The following BABAM2 variants were observed in gnomAD, a reference collection of about 807,000 sequenced individuals.
BABAM2 encodes the protein BRISC and BRCA1 A complex member 2, also known as BRISC and BRCA1-A complex member 2.
Under a neutral mutation model 54.7 loss-of-function variants are expected in BABAM2, and 31 were observed. That is an observed-to-expected ratio of 0.57 (90% CI 0.43 to 0.77). BABAM2 has a LOEUF of 0.77. Ranked by LOEUF, BABAM2 falls within the 30% of genes least tolerant of loss-of-function variation. The probability of loss-of-function intolerance (pLI) is 0.00; values close to 1 mark genes in which losing one functional copy is unlikely to be tolerated. For synonymous variants in BABAM2, 167 were observed against 162.9 expected (o/e 1.03, Z -0.19); for missense variants, 364 against 455.8 (o/e 0.80, Z 1.83).
chr2:27,960,219 G>A (rs1670369595), intron 3 of BABAM2, among the ~76,000 whole-genome samples: 1 of 152,028 alleles, frequency 6.6e-6, no homozygotes, highest in East Asian at 1.9e-4. Flanking sequence ...TTTTTTTCAT[G>A]AATTCCACAG....
rs1664157189 is a variant in BABAM2 at position 28,071,721 on chromosome 2, C to T, written c.570+25922C>T. 2.0e-5 allele frequency among the ~76,000 whole-genome samples: 3 copies of T among 152,296 alleles called. No homozygotes were observed. In the South Asian group the frequency reaches 6.2e-4, roughly 32 times the overall value. On this transcript the variant is annotated intron_variant, in intron 6 of 11. Coordinates refer to ENST00000379624, the MANE Select transcript of BABAM2 (RefSeq NM_199191.3). ...AGGAAAGGCAGGATAAATGCTTCTTCTATTTATTCCGTTTTCAAGATAATG... is the reference window on the plus strand; with the variant it reads ...AGGAAAGGCAGGATAAATGCTTCTTTTATTTATTCCGTTTTCAAGATAATG...
intron 10 of BABAM2, among the ~76,000 whole-genome samples, chr2:28,268,692 G>C (rs897292993): frequency 6.6e-6 from 1 of 152,126 alleles, no homozygotes; most frequent in Non-Finnish European, 1.5e-5. Flanking sequence ...CACTGGGGTG[G>C]CTCTACCCAA....
Position 28,026,888 on chromosome 2 carries a change from A to C in BABAM2, c.495+1468A>C, listed in dbSNP as rs1157860600. 1.1e-3 allele frequency among the ~76,000 whole-genome samples: 27 copies of C among 25,274 alleles called. 1 individual carries two copies. Among genetic ancestry groups the C allele is most frequent in the Non-Finnish European group, 1.9e-3 (23 of 12,386 alleles). 16.6% of individuals were successfully genotyped at this position (25,274 alleles called of 152,430 possible). A position where few individuals can be genotyped will look rare whatever the true frequency, so the allele number is the denominator to read the frequency against. The stretch of plus-strand genomic sequence containing the variant: ...GATATATATATTTATATATATATAG[A>C]TATATATAAATATATATAAATATAT... On this transcript the variant is annotated intron_variant, in intron 5 of 11. Coordinates refer to ENST00000379624, the MANE Select transcript of BABAM2 (RefSeq NM_199191.3).
intron 2 of BABAM2, among the ~76,000 whole-genome samples, chr2:27,895,411 A>C (rs763687385): frequency 6.6e-6 from 1 of 152,198 alleles, no homozygotes; most frequent in Non-Finnish European, 1.5e-5. Context: ...TATTTTGTAA[A>C]ATGTGCATCC....
intron 6 of BABAM2, among the ~76,000 whole-genome samples, chr2:28,117,477 G>A (rs537414756): frequency 5.9e-5 from 9 of 152,322 alleles, no homozygotes; most frequent in Admixed American, 2.6e-4. Flanking sequence ...AGATTGAATA[G>A]TCAAACCACA....
At chr2:28,122,270 G>T (rs566085944) in intron 6 of BABAM2, among the ~76,000 whole-genome samples, 1 of 152,142 alleles carries the variant, frequency 6.6e-6, no homozygotes, top group Non-Finnish European at 1.5e-5. Flanking sequence ...GTTACTCGAG[G>T]AATTACACTT....
At chr2:27,923,940 C>A (rs1667502167) in intron 2 of BABAM2, among the ~76,000 whole-genome samples, 1 of 152,156 alleles carries the variant, frequency 6.6e-6, no homozygotes, top group South Asian at 2.1e-4. Context: ...CCACTGTACT[C>A]CAGCTTGGGT....
At chr2:27,921,588 A>G (rs890454252) in intron 2 of BABAM2, among the ~76,000 whole-genome samples, 1 of 152,196 alleles carries the variant, frequency 6.6e-6, no homozygotes, top group Non-Finnish European at 1.5e-5. Context: ...AGCAAGTTAC[A>G]TAAGCATCTA....
At chr2:28,220,740 G>A (rs1680325378) in intron 7 of BABAM2, among the ~76,000 whole-genome samples, 1 of 152,122 alleles carries the variant, frequency 6.6e-6, no homozygotes, top group Non-Finnish European at 1.5e-5. Context: ...ACCAGCCTGG[G>A]CAACATAGGA....
intron 6 of BABAM2, among the ~76,000 whole-genome samples, chr2:28,111,320 G>A (rs997294733): frequency 6.6e-6 from 1 of 151,868 alleles, no homozygotes; most frequent in Admixed American, 6.6e-5. Context: ...GTCTATTCAA[G>A]TTCTTTGCCC....
At chr2:27,926,736 T>C (rs921819922) in intron 2 of BABAM2, among the ~76,000 whole-genome samples, 1 of 152,192 alleles carries the variant, frequency 6.6e-6, no homozygotes, top group East Asian at 1.9e-4. Flanking sequence ...TTGATAAATC[T>C]TATCTAAATG....
chr2:28,272,018 G>C (rs890773271), intron 10 of BABAM2, among the ~76,000 whole-genome samples: 3 of 152,176 alleles, frequency 2.0e-5, no homozygotes, highest in African/African-American at 7.2e-5. Flanking sequence ...GGAAGGGGAG[G>C]GGAAGGAGAG....
intron 10 of BABAM2, among the ~76,000 whole-genome samples, chr2:28,259,074 CTT>C (rs70956009): frequency 2.3e-3 from 54 of 23,406 alleles, no homozygotes; most frequent in African/African-American, 8.6e-3. Flanking sequence ...TGCACCTGGC[CTT>C]TTTTTTTTTT....
chr2:27,979,032 C>T (rs1371043089), intron 3 of BABAM2, among the ~76,000 whole-genome samples: 5 of 139,884 alleles, frequency 3.6e-5, no homozygotes, highest in Non-Finnish European at 4.6e-5. Flanking sequence ...TTCTTTTTTT[C>T]TTTTTTTTTT....
At position 27,894,697 on chromosome 2, in the gene BABAM2, A is replaced by G; in HGVS notation, c.128+13A>G. On this transcript the variant is annotated intron_variant, in intron 2 of 11. Coordinates refer to ENST00000379624, the MANE Select transcript of BABAM2 (RefSeq NM_199191.3). ...ACTTAAAATCTGGGTATGTACCAGAATGAATTCAGTCAATGTACCAGAACC... is the reference window on the plus strand; with the variant it reads ...ACTTAAAATCTGGGTATGTACCAGAGTGAATTCAGTCAATGTACCAGAACC... The G allele has an allele frequency of 6.2e-7, 1 of 1,614,016 alleles. No individual in the cohort carries two copies. Among genetic ancestry groups the G allele is most frequent in the Non-Finnish European group, 8.5e-7 (1 of 1,179,890 alleles).
chr2:28,200,739 AC>A (rs1182746691), intron 7 of BABAM2, among the ~76,000 whole-genome samples: 1 of 143,478 alleles, frequency 7.0e-6, no homozygotes, highest in Non-Finnish European at 1.5e-5. Context: ...GTACTAGTTT[AC>A]CAGGTATCTA....
chr2:27,930,534 G>T (rs1668019699), intron 3 of BABAM2, among the ~76,000 whole-genome samples: 2 of 152,228 alleles, frequency 1.3e-5, no homozygotes, highest in African/African-American at 4.8e-5. Flanking sequence ...GATTTATTGA[G>T]AGAAGGTGGA....
intron 7 of BABAM2, among the ~76,000 whole-genome samples, chr2:28,139,777 G>T (rs1670885505): frequency 6.6e-6 from 1 of 152,116 alleles, no homozygotes; most frequent in Non-Finnish European, 1.5e-5. Flanking sequence ...TGTAGCTGTT[G>T]AAATGCTTTC....
At chr2:28,239,817 G>A (rs1327819033) in intron 8 of BABAM2, among the ~76,000 whole-genome samples, 1 of 152,194 alleles carries the variant, frequency 6.6e-6, no homozygotes, top group Non-Finnish European at 1.5e-5. Flanking sequence ...TTAGGTGAAA[G>A]GTTGATGGGA....
Sources: gnomAD v4.1 joint callset for allele counts (sites outside exome capture counted in the v4.1 genomes callset) on GRCh38, gnomAD v4.1.1 for gene constraint, MANE v1.5 for transcripts, NCBI Gene and HGNC (gene_info 2026-07-23, HGNC 2026-07-21) for gene names.